DCAF5: variants seen among roughly 807,000 people sequenced by gnomAD.
DCAF5 encodes the protein DDB1 and CUL4 associated factor 5, also known as DDB1- and CUL4-associated factor 5.
In DCAF5, 9 loss-of-function variants were observed where a neutral mutation model predicts 80.7. That is an observed-to-expected ratio of 0.11 (90% CI 0.07 to 0.19). DCAF5 has a LOEUF of 0.19. Ranked by LOEUF, DCAF5 falls within the 10% of genes least tolerant of loss-of-function variation. The probability of loss-of-function intolerance (pLI) is 1.00; values close to 1 mark genes in which losing one functional copy is unlikely to be tolerated. For missense variants in DCAF5, 842 were observed against 1,205.7 expected (o/e 0.70, Z 4.47); for synonymous variants, 433 against 461.9 (o/e 0.94, Z 0.80).
At chr14:69,144,881 C>G (rs1424278874) in intron 1 of DCAF5, among the ~76,000 whole-genome samples, 2 of 152,152 alleles carry the variant, frequency 1.3e-5, no homozygotes, top group Non-Finnish European at 2.9e-5. Flanking sequence ...GCAGACAGCT[C>G]TGGGCAAGTC....
At chr14:69,149,226 T>G (rs1409950540) in intron 1 of DCAF5, among the ~76,000 whole-genome samples, 2 of 152,212 alleles carry the variant, frequency 1.3e-5, no homozygotes, top group African/African-American at 4.8e-5. Context: ...GTAACTTGAC[T>G]AAAGTCACAG....
intron 5 of DCAF5, among the ~76,000 whole-genome samples, chr14:69,103,152 G>A (rs867301328): frequency 6.6e-6 from 1 of 152,188 alleles, no homozygotes; most frequent in South Asian, 2.1e-4. Flanking sequence ...ATACCAATGA[G>A]TGAAAAGTCC....
intron 5 of DCAF5, among the ~76,000 whole-genome samples, chr14:69,104,929 C>T (rs1450065943): frequency 1.3e-5 from 2 of 151,668 alleles, no homozygotes; most frequent in Non-Finnish European, 2.9e-5. Context: ...CATCCAATTG[C>T]TTTGTAAGGA....
chr14:69,054,286 T>A lies in DCAF5; in HGVS notation c.2400A>T (p.Ala800=), dbSNP rs1345143861. 6.2e-7 allele frequency: 1 copy of A among 1,614,116 alleles called. No individual in the cohort carries two copies. Among genetic ancestry groups the A allele is most frequent in the African/African-American group, 1.3e-5 (1 of 74,950 alleles). The stretch of plus-strand genomic sequence containing the variant: ...ACCCGCTGTTGAGAGTGGAGCCAGA[T>A]GCCTTGGGGACAGGAGGAGAAGGCG... ...EEPPSPPVPK[A]SGSTLNSGSG... is the part of the protein sequence containing the mutation. The change falls in exon 9 of 9, where the codon GCA becomes GCT. Residue 800 remains alanine, a synonymous_variant. Coordinates refer to ENST00000341516, the MANE Select transcript of DCAF5 (RefSeq NM_003861.3).
In DCAF5 at chr14:69,060,757, C is replaced by T. The variant is rs565744084; in HGVS notation, c.1074+1627G>A. 1.8e-3 allele frequency among the ~76,000 whole-genome samples: 272 copies of T among 152,226 alleles called. 1 individual carries two copies. Among genetic ancestry groups the T allele is most frequent in the African/African-American group, 6.3e-3 (261 of 41,534 alleles). On this transcript the variant is annotated intron_variant, in intron 8 of 8. Transcript: ENST00000341516. ...ATTTGGGCCAGGCTGGTCTCGAACACCTAACCTCAGCTGATCCACTTGCCT... is the reference window on the plus strand; with the variant it reads ...ATTTGGGCCAGGCTGGTCTCGAACATCTAACCTCAGCTGATCCACTTGCCT...
chr14:69,113,369 C>A (rs946591045), intron 5 of DCAF5, among the ~76,000 whole-genome samples: 2 of 152,136 alleles, frequency 1.3e-5, no homozygotes, highest in African/African-American at 4.8e-5. Context: ...GAACACCAAG[C>A]AACTCTTATC....
chr14:69,075,224 G>A (rs1412735792), intron 7 of DCAF5, 121 bp downstream of exon 7: 1 of 624,638 alleles, frequency 1.6e-6, no homozygotes, highest in African/African-American at 1.9e-5. Context: ...ATTTCCTTTG[G>A]TCACAGCTTA....
chr14:69,054,129 C>G lies in DCAF5; in HGVS notation c.2557G>C (p.Glu853Gln). ...HPHNNGQNLG[E>Q]LEVVAYSSPG... ...GAAGAGTAGGCCACCACCTCCAGCT[C>G]CCCCAAGTTCTGCCCGTTATTGTGA... The change falls in exon 9 of 9, where the codon GAG becomes CAG. Residue 853 changes from glutamate (E) to glutamine (Q), a missense_variant. Physicochemically the swap from Glu to Gln is conservative, Grantham distance 29. Transcript: ENST00000341516. The G allele has an allele frequency of 1.2e-6, 2 of 1,614,198 alleles. No individual in the cohort carries two copies. The highest frequency in any genetic ancestry group is 4.5e-5 in the East Asian group (2 of 44,880).
intron 5 of DCAF5, among the ~76,000 whole-genome samples, chr14:69,113,806 TCATCCCCCTTTTCTGCC>T (rs1225831872): frequency 6.6e-6 from 1 of 152,206 alleles, no homozygotes; most frequent in Non-Finnish European, 1.5e-5. Context: ...CAAGGATATT[TCATCCCCCTTTTCTGCC>T]TGACACCCAT....
intron 6 of DCAF5, among the ~76,000 whole-genome samples, chr14:69,077,031 A>G (rs2038925820): frequency 6.6e-6 from 1 of 152,224 alleles, no homozygotes; most frequent in South Asian, 2.1e-4. Context: ...CTCTAATGTG[A>G]ACTCATAAAA....
chr14:69,085,707 G>A (rs1359543951), intron 6 of DCAF5, among the ~76,000 whole-genome samples: 2 of 151,786 alleles, frequency 1.3e-5, no homozygotes, highest in African/African-American at 4.8e-5. Flanking sequence ...AATTATTTTT[G>A]TACCTTTAAA....
intron 6 of DCAF5, chr14:69,090,109 C>T: frequency 1.0e-6 from 1 of 985,084 alleles, no homozygotes; most frequent in Non-Finnish European, 1.2e-6. Flanking sequence ...CTCTATTATT[C>T]AACAAAACAA....
chr14:69,094,763 T>C (rs757317427), intron 5 of DCAF5, among the ~76,000 whole-genome samples: 51 of 152,014 alleles, frequency 3.4e-4, no homozygotes, highest in Non-Finnish European at 7.2e-4. Context: ...AAGTGTAAGA[T>C]GCATGAAAAA....
rs1271228204 is a variant in DCAF5 at position 69,055,178 on chromosome 14, C to A, written c.1508G>T (p.Cys503Phe). The A allele has an allele frequency of 6.2e-7, 1 of 1,614,240 alleles. No homozygotes were observed. The highest frequency in any genetic ancestry group is 1.1e-5 in the South Asian group (1 of 91,084). The change falls in exon 9 of 9, where the codon TGT becomes TTT. Residue 503 changes from cysteine (C) to phenylalanine (F), a missense_variant. Cys to Phe is a radical substitution (Grantham distance 205). Transcript: ENST00000341516. This position sits in a 1 kb window ranked among gnomAD's most constrained non-coding sequence, Gnocchi z 5.6. ...TVASTPPTPT[C>F]EDAASRQQRL... The stretch of plus-strand genomic sequence containing the variant: ...CTGCTGGCGAGAGGCTGCATCCTCA[C>A]ACGTGGGTGTTGGTGGAGTTGAGGC...
chr14:69,135,337 C>A (rs1287535635), intron 1 of DCAF5, among the ~76,000 whole-genome samples: 1 of 152,210 alleles, frequency 6.6e-6, no homozygotes, highest in Non-Finnish European at 1.5e-5. Flanking sequence ...ATGCCACGTT[C>A]ACTCAGGAGT....
chr14:69,134,780 AAAT>A (rs1217908068), intron 1 of DCAF5, among the ~76,000 whole-genome samples: 1 of 152,228 alleles, frequency 6.6e-6, no homozygotes, highest in Non-Finnish European at 1.5e-5. Flanking sequence ...GGTTAAGACA[AAAT>A]AATGACCAGC....
chr14:69,059,729 C>T (rs1212647185), intron 8 of DCAF5, among the ~76,000 whole-genome samples: 2 of 152,148 alleles, frequency 1.3e-5, no homozygotes, highest in Non-Finnish European at 2.9e-5. Context: ...GGGGATGACA[C>T]CTGTGAGACA....
chr14:69,147,058 T>C (rs565017165), intron 1 of DCAF5, among the ~76,000 whole-genome samples: 5 of 151,822 alleles, frequency 3.3e-5, no homozygotes, highest in Non-Finnish European at 5.9e-5. Flanking sequence ...TAGACTAATT[T>C]ATCTACAAAA....
At chr14:69,062,980 T>G (rs1379458601) in intron 7 of DCAF5, among the ~76,000 whole-genome samples, 2 of 152,072 alleles carry the variant, frequency 1.3e-5, no homozygotes, top group African/African-American at 4.8e-5. Flanking sequence ...GTTTCTATGA[T>G]GAAGACAGCA....
Sources: gnomAD v4.1 joint callset for allele counts (sites outside exome capture counted in the v4.1 genomes callset) on GRCh38, gnomAD v4.1.1 for gene constraint, Gnocchi (gnomAD v3.1) non-coding constraint, MANE v1.5 for transcripts, NCBI Gene and HGNC (gene_info 2026-07-23, HGNC 2026-07-21) for gene names.